The following TXNDC2 variants were observed in gnomAD, a reference collection of about 807,000 sequenced individuals.
The protein encoded by TXNDC2 is thioredoxin domain containing 2, also known as thioredoxin domain-containing protein 2.
TXNDC2 carries 1 observed loss-of-function variant against 0.4 expected under a neutral mutation model. That is an observed-to-expected ratio of 2.30 (90% CI 0.82 to 10.89). TXNDC2 has a LOEUF of 10.89. TXNDC2 is among the 30% of genes most tolerant of loss of function. The pLI is 0.12. For synonymous variants in TXNDC2, 183 were observed against 224.6 expected (o/e 0.81, Z 1.66); for missense variants, 509 against 579.8 (o/e 0.88, Z 1.25).
At chr18:9,886,319 C>A in intron 1 of TXNDC2, 1 of 1,582,482 alleles carries the variant, frequency 6.3e-7, no homozygotes, top group Non-Finnish European at 8.7e-7. Context: ...CCTTAAAGAC[C>A]TATGCAGTTA....
At position 9,888,315 on chromosome 18, in the gene TXNDC2, T is replaced by C. The variant is rs775272214; in HGVS notation, c.*174T>C. 2 of 561,104 alleles carry C rather than the reference T, an allele frequency of 3.6e-6. No homozygotes were observed. Among genetic ancestry groups the C allele is most frequent in the Non-Finnish European group, 6.1e-6 (2 of 326,524 alleles). The allele number at this position is 561,104 out of a possible 1,614,324, so 34.8% of individuals were successfully genotyped here. On this transcript the variant is annotated 3_prime_UTR_variant, in exon 2 of 2. Transcript: ENST00000357775. The stretch of plus-strand genomic sequence containing the variant: ...AAAACAGTCCAAGCATTAAAGTACA[T>C]TGCGACTGTGTTTCTGTTAGTGGGA...
rs1203633211 is a variant in TXNDC2, at chr18:9,888,095, G to A, written c.1415G>A (p.Gly472Asp). The A allele has an allele frequency of 6.2e-7, 1 of 1,613,932 alleles. No homozygotes were observed. The highest frequency in any genetic ancestry group is 1.7e-5 in the Admixed American group (1 of 59,984). ...GAAGAAAAGGTGGATGAACTTTGCG[G>A]CGCCCTTAAGGAAAAACTTGAAGCA... ...KKEEKVDELC[G>D]ALKEKLEAVI... Residue 472 changes from glycine to aspartate, a missense_variant, in exon 2 of 2, where the codon GGC becomes GAC. Gly to Asp is a moderately conservative substitution (Grantham distance 94). This residue lies in a region of TXNDC2 where 229 missense variants were observed against 243.8 expected (regional missense o/e 0.94). Coordinates refer to ENST00000357775, the MANE Select transcript of TXNDC2 (RefSeq NM_032243.6).
chr18:9,886,226 G>A, intron 1 of TXNDC2, 146 bp downstream of exon 1: 1 of 1,614,098 alleles, frequency 6.2e-7, no homozygotes, highest in Non-Finnish European at 8.5e-7. Context: ...TGGAGCCTCT[G>A]GAAAACCAGA....
rs928340993 is a variant in TXNDC2 at position 9,886,117 on chromosome 18, G to A, written c.-93+37G>A. The A allele has an allele frequency of 5.7e-6, 8 of 1,414,058 alleles. No homozygotes were observed. The Admixed American group carries it at 1.1e-4, about 20-fold the overall frequency. The allele number at this position is 1,414,058 out of a possible 1,614,324, so 87.6% of individuals were successfully genotyped here. ...TCATATTTTGATGTTAGGATGGATA[G>A]CTTGGAAAAAGTTGGAGGGTACGGC... On this transcript the variant is annotated intron_variant, in intron 1 of 1. Coordinates refer to ENST00000357775, the MANE Select transcript of TXNDC2 (RefSeq NM_032243.6).
intron 1 of TXNDC2, 119 bp from the exon 2 acceptor site, chr18:9,886,470 C>T (rs1483589181): frequency 4.7e-5 from 48 of 1,017,654 alleles, no homozygotes; most frequent in South Asian, 7.2e-5. Flanking sequence ...AGACTTCATT[C>T]GTGATCTCGA....
rs887826901 is a variant in TXNDC2, at chr18:9,886,929, C to T, written c.249C>T (p.Pro83=). 6.2e-7 allele frequency: 1 copy of T among 1,612,672 alleles called. No individual in the cohort carries two copies. The highest frequency in any genetic ancestry group is 8.5e-7 in the Non-Finnish European group (1 of 1,179,264). Residue 83 remains proline, a synonymous_variant, in exon 2 of 2, where the codon CCC becomes CCT. Transcript: ENST00000357775. ...TCCAGCCCAAAGAGAGTAACATCCC[C>T]AAGTCCTCAGCAAAACCCATCCAGC... The part of the protein sequence containing the change: ...KAIQPKESNI[P]KSSAKPIQPK...
chr18:9,886,524 G>T, intron 1 of TXNDC2, 65 bp from the exon 2 acceptor site: 1 of 1,332,734 alleles, frequency 7.5e-7, no homozygotes. Context: ...GAATTTCTTT[G>T]GTTCTTCTTT....
In TXNDC2 at chr18:9,887,799, A is replaced by G. The variant is rs1280262316; in HGVS notation, c.1119A>G (p.Glu373=). The stretch of plus-strand genomic sequence containing the variant: ...GTGACATCCTAAAGCCTGAAGAAGA[A>G]ACAATGGAGTTCCCGGAGGGGGACA... ...KEGDILKPEE[E]TMEFPEGDKV... is the part of the protein sequence containing the mutation. Residue 373 remains glutamate (E), a synonymous_variant, in exon 2 of 2, where the codon GAA becomes GAG. Coordinates refer to ENST00000357775, the MANE Select transcript of TXNDC2 (RefSeq NM_032243.6). The G allele has an allele frequency of 6.2e-7, 1 of 1,612,344 alleles. No individual in the cohort carries two copies. The highest frequency in any genetic ancestry group is 1.1e-5 in the South Asian group (1 of 91,012).
In TXNDC2 at chr18:9,887,795, A is replaced by T. The variant is rs961386532; in HGVS notation, c.1115A>T (p.Glu372Val). The T allele has an allele frequency of 9.3e-6, 15 of 1,612,640 alleles. No individual in the cohort carries two copies. Among genetic ancestry groups the T allele is most frequent in the African/African-American group, 1.3e-5 (1 of 74,776 alleles). The change falls in exon 2 of 2, where the codon GAA becomes GTA. Residue 372 changes from glutamate (E) to valine (V), a missense_variant. Coordinates refer to ENST00000357775, the MANE Select transcript of TXNDC2 (RefSeq NM_032243.6). ...GAGGGTGACATCCTAAAGCCTGAAG[A>T]AGAAACAATGGAGTTCCCGGAGGGG... ...SKEGDILKPE[E>V]ETMEFPEGDK...
In TXNDC2 at chr18:9,886,984, G is replaced by A. The variant is rs777856769; in HGVS notation, c.304G>A (p.Val102Met). Residue 102 changes from valine (V) to methionine (M), a missense_variant, in exon 2 of 2, where the codon GTG becomes ATG. Val to Met is a conservative substitution (Grantham distance 21, BLOSUM62 1). Transcript: ENST00000357775. ...GCTGGGCAATATTCCCAAGGCCTCA[G>A]TGAAGCCCAGCCAGCCCAAGGAGGG... is the stretch of plus-strand genomic sequence containing the variant. ...PKLGNIPKAS[V>M]KPSQPKEGDI... 2.2e-5 allele frequency: 35 copies of A among 1,607,806 alleles called. No homozygotes were observed. Among genetic ancestry groups the A allele is most frequent in the Non-Finnish European group, 2.9e-5 (34 of 1,177,604 alleles).
At chr18:9,886,396 C>T (rs914742531) in intron 1 of TXNDC2, 193 bp from the exon 2 acceptor site, 58 of 1,022,678 alleles carry the variant, frequency 5.7e-5, no homozygotes, top group Non-Finnish European at 7.8e-5. Context: ...ACAGAAGATA[C>T]GTGTAACCAC....
rs11662946 is a variant in TXNDC2, at chr18:9,887,152, G to C, written c.472G>C (p.Ala158Pro). 0.08 allele frequency: 120,548 copies of C among 1,500,854 alleles called. 5,227 individuals carry two copies. The highest frequency in any genetic ancestry group is 0.16 in the South Asian group (14,152 of 87,290). 93.0% of individuals were successfully genotyped at this position (1,500,854 alleles called of 1,614,324 possible). A position where few individuals can be genotyped will look rare whatever the true frequency, so the allele number is the denominator to read the frequency against. ...KPIQPKLGNI[A>P]KTSVKPSQPK... The stretch of plus-strand genomic sequence containing the variant: ...CATCCAGCCCAAGCTGGGCAATATT[G>C]CCAAGACCTCAGTGAAGCCCAGCCA... Residue 158 changes from alanine (A) to proline (P), a missense_variant, in exon 2 of 2, where the codon GCC becomes CCC. Around this residue, in one of 5 missense-constraint regions of TXNDC2, gnomAD observed 187 missense variants for 218.0 expected, o/e 0.86. Coordinates refer to ENST00000357775, the MANE Select transcript of TXNDC2 (RefSeq NM_032243.6).
At position 9,887,411 on chromosome 18, in the gene TXNDC2, AGGG is replaced by A; in HGVS notation, c.732_734del (p.Glu244_Gly245delinsAsp). ...CTAGAGGAAGCCATCCAGCCCAAGG[AGGG>A]TGACATCCCCAAGTCCCCAGAAGAA... On this transcript the variant is annotated inframe_deletion, in exon 2 of 2. Coordinates refer to ENST00000357775, the MANE Select transcript of TXNDC2 (RefSeq NM_032243.6). 6 of 1,031,222 alleles carry A rather than the reference AGGG, an allele frequency of 5.8e-6. No individual in the cohort carries two copies. The highest frequency in any genetic ancestry group is 1.9e-5 in the African/African-American group (1 of 53,610). The allele number at this position is 1,031,222 out of a possible 1,614,324, so 63.9% of individuals were successfully genotyped here.
chr18:9,886,110 A>T, intron 1 of TXNDC2, 30 bp downstream of exon 1: 2 of 1,328,850 alleles, frequency 1.5e-6, no homozygotes, highest in Non-Finnish European at 2.1e-6. Flanking sequence ...TGATGTTAGG[A>T]TGGATAGCTT....
chr18:9,888,097 G>A lies in TXNDC2; in HGVS notation c.1417G>A (p.Ala473Thr), dbSNP rs777414230. 1.5e-5 allele frequency: 24 copies of A among 1,613,530 alleles called. No individual in the cohort carries two copies. The East Asian group carries it at 2.9e-4, about 19-fold the overall frequency. Reference protein sequence around the residue: ...KEEKVDELCGALKEKLEAVIA... With the variant: ...KEEKVDELCGTLKEKLEAVIA... ...AGAAAAGGTGGATGAACTTTGCGGC[G>A]CCCTTAAGGAAAAACTTGAAGCAGT... The change falls in exon 2 of 2, where the codon GCC becomes ACC. Residue 473 changes from alanine (A) to threonine (T), a missense_variant. By Grantham distance (58) the Ala-to-Thr change is moderately conservative (BLOSUM62 0). Transcript: ENST00000357775.
Position 9,886,075 on chromosome 18 carries a change from C to G in TXNDC2, c.-98C>G, listed in dbSNP as rs1217725548. 1 of 942,660 alleles carries G rather than the reference C, an allele frequency of 1.1e-6. No individual in the cohort carries two copies. The highest frequency in any genetic ancestry group is 1.6e-6 in the Non-Finnish European group (1 of 610,626). 58.4% of individuals were successfully genotyped at this position (942,660 alleles called of 1,614,324 possible). ...GGGAAAACCAACTGTAACGTGCCACCCAAATGTAAGTTTTACTCATATTTT... is the reference window on the plus strand; with the variant it reads ...GGGAAAACCAACTGTAACGTGCCACGCAAATGTAAGTTTTACTCATATTTT... On this transcript the variant is annotated 5_prime_UTR_variant, in exon 1 of 2. Transcript: ENST00000357775.
chr18:9,886,057 C>T lies in TXNDC2; in HGVS notation c.-116C>T, dbSNP rs561668893. 6 of 790,952 alleles carry T rather than the reference C, an allele frequency of 7.6e-6. No individual in the cohort carries two copies. Among genetic ancestry groups the T allele is most frequent in the Admixed American group, 2.6e-5 (1 of 38,978 alleles). 49.0% of individuals were successfully genotyped at this position (790,952 alleles called of 1,614,324 possible). On this transcript the variant is annotated 5_prime_UTR_variant, in exon 1 of 2. Transcript: ENST00000357775. ...CTGTTGTGAATACAGAGAGGGAAAA[C>T]CAACTGTAACGTGCCACCCAAATGT...
In TXNDC2 at chr18:9,886,994, G is replaced by C; in HGVS notation, c.314G>C (p.Ser105Thr). The C allele has an allele frequency of 6.3e-7, 1 of 1,593,554 alleles. No individual in the cohort carries two copies. Among genetic ancestry groups the C allele is most frequent in the Non-Finnish European group, 8.5e-7 (1 of 1,172,698 alleles). The change falls in exon 2 of 2, where the codon AGC (serine) becomes ACC (threonine). Residue 105 changes from serine (S) to threonine (T), a missense_variant. Ser to Thr is a moderately conservative substitution (Grantham distance 58). Transcript: ENST00000357775. The part of the protein sequence containing the change: ...GNIPKASVKP[S>T]QPKEGDIPKA... ...ATTCCCAAGGCCTCAGTGAAGCCCAGCCAGCCCAAGGAGGGTGACATCCCC... is the reference window on the plus strand; with the variant it reads ...ATTCCCAAGGCCTCAGTGAAGCCCACCCAGCCCAAGGAGGGTGACATCCCC...
At position 9,888,920 on chromosome 18, in the gene TXNDC2, T is replaced by C. The variant is rs547890239; in HGVS notation, c.*779T>C. ...CTTCCTCTGACTTTTTTACTTAAAT[T>C]TGTTCTTATTTTCAATATTGAACAA... On this transcript the variant is annotated 3_prime_UTR_variant, in exon 2 of 2. Coordinates refer to ENST00000357775, the MANE Select transcript of TXNDC2 (RefSeq NM_032243.6). 8.5e-5 allele frequency: 13 copies of C among 152,310 alleles called. No individual in the cohort carries two copies. The highest frequency in any genetic ancestry group is 3.1e-4 in the African/African-American group (13 of 41,572). 9.4% of individuals were successfully genotyped at this position (152,310 alleles called of 1,614,324 possible).
Sources: allele counts gnomAD v4.1 joint callset, GRCh38; gene constraint gnomAD v4.1.1; regional missense constraint gnomAD v4.1.1; transcripts MANE v1.5; gene names NCBI Gene and HGNC (gene_info 2026-07-23, HGNC 2026-07-21).